TENM2: variants seen among roughly 807,000 people sequenced by gnomAD.
TENM2 encodes the protein teneurin transmembrane protein 2.
TENM2 carries 52 observed loss-of-function variants against 245.2 expected under a neutral mutation model. The ratio of observed to expected loss-of-function variants is 0.21; its 90% CI spans 0.17 to 0.27. The LOEUF (loss-of-function observed/expected upper bound fraction) is 0.27. Among genes scored for constraint, TENM2 ranks in the 10% least tolerant of loss-of-function variants. The pLI, the probability that TENM2 is intolerant of heterozygous loss-of-function variation, is 1.00. For missense variants in TENM2, 3,046 were observed against 3,666.8 expected (o/e 0.83, Z 4.37); for synonymous variants, 1,363 against 1,438.9 (o/e 0.95, Z 1.19).
chr5:167,217,697 T>C, the TENM2 span, among the ~76,000 whole-genome samples: 2 of 144,596 alleles, frequency 1.4e-5, no homozygotes, highest in African/African-American at 5.2e-5. Flanking sequence ...AAAATGATAA[T>C]ATATATGTAA....
At chr5:168,041,555 T>A (rs1788189469) in intron 5 of TENM2, among the ~76,000 whole-genome samples, 2 of 152,236 alleles carry the variant, frequency 1.3e-5, no homozygotes, top group Admixed American at 1.3e-4. Flanking sequence ...AATGCCATCC[T>A]TGACCAGACT....
At chr5:167,789,653 C>T (rs1764816648) in intron 2 of TENM2, among the ~76,000 whole-genome samples, 1 of 152,166 alleles carries the variant, frequency 6.6e-6, no homozygotes, top group South Asian at 2.1e-4. Flanking sequence ...TAGATTCCAG[C>T]CCGCTTTCTC....
intron 2 of TENM2, among the ~76,000 whole-genome samples, chr5:167,576,511 T>C (rs1472254596): frequency 6.6e-6 from 1 of 152,220 alleles, no homozygotes; most frequent in Non-Finnish European, 1.5e-5. Context: ...AGTTCGATTT[T>C]AAAATTATGA....
At chr5:167,894,028 C>T (rs1014388352) in intron 3 of TENM2, among the ~76,000 whole-genome samples, 4 of 152,256 alleles carry the variant, frequency 2.6e-5, no homozygotes, top group South Asian at 2.1e-4. Context: ...TAGTCCAATG[C>T]GGCAGCATAA....
rs527378160 is a variant in TENM2 at position 167,398,256 on chromosome 5, T to G, written c.502+22783T>G. The stretch of plus-strand genomic sequence containing the variant: ...CTGTCCTTTATCAGCTCCATGACAT[T>G]GGCAAATTACCAATAAGATCTCAAA... On this transcript the variant is annotated intron_variant, in intron 2 of 28. Coordinates refer to ENST00000518659, the Ensembl canonical transcript of TENM2. Among the ~76,000 whole-genome samples the G allele has an allele frequency of 2.3e-4, 35 of 152,294 alleles. No individual in the cohort carries two copies. The South Asian group carries it at 2.9e-3, about 13-fold the overall frequency.
At chr5:167,926,161 C>A (rs1401357880) in intron 3 of TENM2, among the ~76,000 whole-genome samples, 1 of 151,872 alleles carries the variant, frequency 6.6e-6, no homozygotes, top group Admixed American at 6.6e-5. Context: ...GTATGATGAA[C>A]CTGAATACAA....
At chr5:167,885,644 C>T (rs943936497) in intron 3 of TENM2, among the ~76,000 whole-genome samples, 1 of 152,116 alleles carries the variant, frequency 6.6e-6, no homozygotes, top group African/African-American at 2.4e-5. Context: ...AACAAAAATA[C>T]AAAACACCCT....
intron 2 of TENM2, among the ~76,000 whole-genome samples, chr5:167,565,336 G>A (rs578066209): frequency 2.0e-4 from 30 of 152,064 alleles, no homozygotes; most frequent in Admixed American, 9.2e-4. Flanking sequence ...ACTTAGTGCC[G>A]TGACTACACA....
At chr5:168,165,129 T>A (rs1758103091) in intron 13 of TENM2, 1 of 152,220 alleles carries the variant, frequency 6.6e-6, no homozygotes, top group Admixed American at 6.5e-5. Flanking sequence ...TCAAAACAGT[T>A]TACAGACCTG....
Position 168,151,717 on chromosome 5 carries a change from C to T in TENM2, c.2423-10894C>T, listed in dbSNP as rs1039559315. On this transcript the variant is annotated intron_variant, in intron 12 of 28. Transcript: ENST00000518659. The stretch of plus-strand genomic sequence containing the variant: ...TACTGCCACATGGTGACTGAGGTGA[C>T]CTGATGCAGTGGCCCCGGGCAGCAG... Among the ~76,000 whole-genome samples, 4 of 152,214 alleles carry T rather than the reference C, an allele frequency of 2.6e-5. No individual in the cohort carries two copies. The East Asian group carries it at 5.8e-4, about 22-fold the overall frequency.
chr5:167,862,799 T>G (rs771577812), intron 2 of TENM2, among the ~76,000 whole-genome samples: 4 of 152,212 alleles, frequency 2.6e-5, no homozygotes, highest in African/African-American at 9.7e-5. Flanking sequence ...GAATTTCTGC[T>G]AGGGCACAAC....
chr5:167,996,956 C>G (rs910798637), intron 5 of TENM2, among the ~76,000 whole-genome samples: 4 of 152,102 alleles, frequency 2.6e-5, no homozygotes, highest in African/African-American at 9.7e-5. Flanking sequence ...CCAGGCTGCT[C>G]TCAAACTCCT....
chr5:168,110,431 C>A (rs1301359801), intron 9 of TENM2, among the ~76,000 whole-genome samples: 2 of 152,144 alleles, frequency 1.3e-5, no homozygotes, highest in Non-Finnish European at 2.9e-5. Context: ...GAATTCTTAT[C>A]CCACTTCAAA....
At chr5:167,903,363 A>T (rs183746279) in intron 3 of TENM2, among the ~76,000 whole-genome samples, 37 of 152,318 alleles carry the variant, frequency 2.4e-4, no homozygotes, top group African/African-American at 8.2e-4. Flanking sequence ...TATAATGATT[A>T]CCAATGTGAG....
At chr5:167,267,215 T>C in the TENM2 span, among the ~76,000 whole-genome samples, 1 of 152,174 alleles carries the variant, frequency 6.6e-6, no homozygotes, top group Non-Finnish European at 1.5e-5. Context: ...TTAGTCATTC[T>C]TCCCAGCAAT....
chr5:167,488,603 C>T (rs10069806), intron 2 of TENM2, among the ~76,000 whole-genome samples: 11,037 of 152,116 alleles, frequency 0.073, 876 homozygotes, highest in East Asian at 0.19. Flanking sequence ...AGTGCTGGAG[C>T]TCACCAAGTC....
chr5:167,387,212 G>A (rs1761485975), intron 2 of TENM2, among the ~76,000 whole-genome samples: 2 of 152,068 alleles, frequency 1.3e-5, no homozygotes, highest in South Asian at 4.2e-4. Flanking sequence ...TCCTTGTAGA[G>A]GTCTTTCACC....
chr5:167,882,231 G>A (rs938286205), intron 3 of TENM2, among the ~76,000 whole-genome samples: 2 of 152,234 alleles, frequency 1.3e-5, no homozygotes, highest in African/African-American at 4.8e-5. Context: ...TACCCTTTAC[G>A]CCCACTGTTT....
At chr5:167,128,242 T>C in the TENM2 span, among the ~76,000 whole-genome samples, 3 of 152,258 alleles carry the variant, frequency 2.0e-5, no homozygotes, top group East Asian at 5.8e-4. Context: ...TATTAATAGA[T>C]TAAAAATGAC....
Sources: gnomAD v4.1 joint callset for allele counts (sites outside exome capture counted in the v4.1 genomes callset) on GRCh38, gnomAD v4.1.1 for gene constraint, MANE v1.5 for transcripts, NCBI Gene and HGNC (gene_info 2026-07-23, HGNC 2026-07-21) for gene names.